The following TTC23L variants were observed in gnomAD, a reference collection of about 807,000 sequenced individuals.
TTC23L encodes the protein tetratricopeptide repeat protein 23-like.
In TTC23L, 42 loss-of-function variants were observed where a neutral mutation model predicts 48.1. The ratio of observed to expected loss-of-function variants is 0.87; its 90% CI spans 0.68 to 1.13. The LOEUF (loss-of-function observed/expected upper bound fraction) is 1.13. Among genes scored for constraint, TTC23L ranks in the 50% most tolerant of loss-of-function variants. The pLI is 0.00. For synonymous variants in TTC23L, 159 were observed against 157.2 expected, an observed-to-expected ratio of 1.01 and a Z score of -0.09; for missense variants, 391 against 421.0, an observed-to-expected ratio of 0.93 and a Z score of 0.62.
the TTC23L span, chr5:34,916,672 C>T: frequency 6.6e-6 from 1 of 152,220 alleles, no homozygotes; most frequent in Admixed American, 6.5e-5. Context: ...CAAGGATTAT[C>T]TTTGACATTA....
chr5:34,885,903 G>C (rs1762514161), intron 9 of TTC23L, among the ~76,000 whole-genome samples: 1 of 152,034 alleles, frequency 6.6e-6, no homozygotes, highest in African/African-American at 2.4e-5. Flanking sequence ...CAAAATTGTA[G>C]CAATGTGTGA....
At chr5:34,892,344 G>A (rs539639799) in intron 9 of TTC23L, among the ~76,000 whole-genome samples, 8 of 152,270 alleles carry the variant, frequency 5.3e-5, no homozygotes, top group African/African-American at 1.9e-4. Flanking sequence ...TTAATTTCAA[G>A]GTTAAATGAT....
At chr5:34,877,537 C>T (rs1189253065) in intron 8 of TTC23L, among the ~76,000 whole-genome samples, 1 of 152,056 alleles carries the variant, frequency 6.6e-6, no homozygotes, top group Non-Finnish European at 1.5e-5. Context: ...GATTCTCCTG[C>T]CTCAGCCTCC....
At chr5:34,869,320 C>T (rs566361562) in intron 8 of TTC23L, 156 of 278,238 alleles carry the variant, frequency 5.6e-4, no homozygotes, top group Non-Finnish European at 7.3e-4. Context: ...TGTGCAGTAT[C>T]GGTTGATAAG....
chr5:34,924,509 G>A, the TTC23L span, among the ~76,000 whole-genome samples: 1 of 152,120 alleles, frequency 6.6e-6, no homozygotes, highest in Admixed American at 6.5e-5. Context: ...CCCCCATAAT[G>A]TGCTTTAATA....
chr5:34,885,179 T>C (rs973450314), intron 9 of TTC23L, among the ~76,000 whole-genome samples: 4 of 152,222 alleles, frequency 2.6e-5, no homozygotes, highest in African/African-American at 9.6e-5. Context: ...ACAATTAGCC[T>C]AGACCTTTTA....
At chr5:34,845,936 C>T (rs879509155) in intron 3 of TTC23L, among the ~76,000 whole-genome samples, 10 of 152,094 alleles carry the variant, frequency 6.6e-5, no homozygotes, top group African/African-American at 2.2e-4. Context: ...GTGGCTCATG[C>T]GTGTAATCCC....
rs116867306 is a variant in TTC23L at position 34,841,586 on chromosome 5, C to T, written c.68+847C>T. On this transcript the variant is annotated intron_variant, in intron 2 of 10. Transcript: ENST00000505624. The stretch of plus-strand genomic sequence containing the variant: ...AGGCTGGAGTGCAGTGGTGCAATCA[C>T]GGCTCACTGCAGCCTTGGCCTCTTA... 1.2e-3 allele frequency among the ~76,000 whole-genome samples: 189 copies of T among 152,338 alleles called. 6 individuals are homozygous for T. The East Asian group carries it at 0.033, about 26-fold the overall frequency.
chr5:34,880,566 T>A, intron 9 of TTC23L: 1 of 473,320 alleles, frequency 2.1e-6, no homozygotes. Flanking sequence ...GCTCAAAGTA[T>A]TTTAGAGGGA....
At chr5:34,887,055 G>A (rs1449669727) in intron 9 of TTC23L, among the ~76,000 whole-genome samples, 1 of 152,160 alleles carries the variant, frequency 6.6e-6, no homozygotes, top group Non-Finnish European at 1.5e-5. Context: ...CAAAGTCAGA[G>A]GAAAAGTTGG....
intron 10 of TTC23L, among the ~76,000 whole-genome samples, chr5:34,897,633 T>C (rs907762772): frequency 1.3e-5 from 2 of 152,074 alleles, no homozygotes; most frequent in Non-Finnish European, 2.9e-5. Flanking sequence ...TGCAAATCAG[T>C]TTTTTAGAAA....
the TTC23L span, among the ~76,000 whole-genome samples, chr5:34,911,202 A>AC: frequency 3.3e-5 from 5 of 152,238 alleles, no homozygotes; most frequent in African/African-American, 1.2e-4. Context: ...CTAACTTGAA[A>AC]AAGATACCAT....
At chr5:34,881,131 G>A (rs1381594970) in intron 9 of TTC23L, among the ~76,000 whole-genome samples, 1 of 152,138 alleles carries the variant, frequency 6.6e-6, no homozygotes, top group African/African-American at 2.4e-5. Context: ...TATTTTTCTT[G>A]TATCTTGATA....
At chr5:34,855,965 A>G (rs924101967) in intron 4 of TTC23L, among the ~76,000 whole-genome samples, 6 of 152,188 alleles carry the variant, frequency 3.9e-5, no homozygotes, top group Middle Eastern at 3.2e-3. Flanking sequence ...CTTTTCAACG[A>G]TAGAAATGTG....
chr5:34,915,746 C>G, the TTC23L span: 1 of 1,600,534 alleles, frequency 6.2e-7, no homozygotes, highest in South Asian at 1.1e-5. Context: ...AAGATGGCGG[C>G]AACCAAGAGG....
intron 4 of TTC23L, among the ~76,000 whole-genome samples, chr5:34,854,660 T>G (rs1394795442): frequency 6.6e-6 from 1 of 152,230 alleles, no homozygotes; most frequent in African/African-American, 2.4e-5. Flanking sequence ...TCATGTTTTA[T>G]AGTCATCAGC....
chr5:34,900,332 G>A (rs1561164988), downstream of TTC23L, among the ~76,000 whole-genome samples: 1 of 151,946 alleles, frequency 6.6e-6, no homozygotes, highest in Non-Finnish European at 1.5e-5. Context: ...AAAGGCAAAG[G>A]TTATTAAGAA....
rs1761251277 is a variant in TTC23L at position 34,868,927 on chromosome 5, T to A, written c.863T>A (p.Leu288Ter). ...CAGGCTCATTCTGTCTGTGTTTCTT[T>A]GTTCACTGAAGTCAGCCCCAAAACT... is the stretch of plus-strand genomic sequence containing the variant. Residue 288 changes from leucine (L) to a stop codon, truncating the protein, a stop_gained, in exon 8 of 11, where the codon TTG becomes TAG. Coordinates refer to ENST00000505624, the Ensembl canonical transcript of TTC23L. LOFTEE classifies it high-confidence loss of function. 1.9e-6 allele frequency: 3 copies of A among 1,609,730 alleles called. No individual in the cohort carries two copies. The highest frequency in any genetic ancestry group is 2.5e-6 in the Non-Finnish European group (3 of 1,178,048).
At chr5:34,903,855 G>A (rs1053675655), downstream of TTC23L, among the ~76,000 whole-genome samples, 3 of 152,078 alleles carry the variant, frequency 2.0e-5, no homozygotes, top group African/African-American at 7.3e-5. Flanking sequence ...ACATTTTTGA[G>A]GTGGATGAGG....
Sources: allele counts gnomAD v4.1 joint callset (sites outside exome capture counted in the v4.1 genomes callset), GRCh38; gene constraint gnomAD v4.1.1; transcripts MANE v1.5; gene names NCBI Gene and HGNC (gene_info 2026-07-23, HGNC 2026-07-21).